The following ZRANB3 variants were observed in gnomAD, a reference collection of about 807,000 sequenced individuals.
ZRANB3 encodes the protein DNA annealing helicase and endonuclease ZRANB3.
A neutral mutation model predicts 133.8 loss-of-function variants in ZRANB3; 125 were observed. The observed-to-expected ratio is 0.93, with a 90% confidence interval of 0.81 to 1.08. The LOEUF (loss-of-function observed/expected upper bound fraction) is 1.08, where lower values mean the gene tolerates loss of function less well. ZRANB3 is among the 50% of genes least tolerant of loss of function. The pLI, the probability that ZRANB3 is intolerant of heterozygous loss-of-function variation, is 0.00. For missense variants in ZRANB3, 1,229 were observed against 1,275.5 expected, an observed-to-expected ratio of 0.96 and a Z score of 0.56; for synonymous variants, 387 against 432.7, an observed-to-expected ratio of 0.89 and a Z score of 1.31.
intron 2 of ZRANB3, among the ~76,000 whole-genome samples, chr2:135,426,267 C>T (rs1030923227): frequency 1.3e-5 from 2 of 152,038 alleles, no homozygotes; most frequent in African/African-American, 4.8e-5. Flanking sequence ...TAAAGAAGAG[C>T]TGGCACTATT....
chr2:135,459,150 G>A (rs1690656468), intron 2 of ZRANB3, among the ~76,000 whole-genome samples: 1 of 152,180 alleles, frequency 6.6e-6, no homozygotes, highest in Non-Finnish European at 1.5e-5. Flanking sequence ...CTCCCAGACT[G>A]TCACAGTTCA....
chr2:135,248,114 G>A (rs952946366), intron 12 of ZRANB3, among the ~76,000 whole-genome samples: 2 of 152,164 alleles, frequency 1.3e-5, no homozygotes, highest in African/African-American at 4.8e-5. Flanking sequence ...TCTAGGTACT[G>A]GAAAATCTGA....
At chr2:135,439,243 A>C (rs1689677526) in intron 2 of ZRANB3, among the ~76,000 whole-genome samples, 1 of 152,170 alleles carries the variant, frequency 6.6e-6, no homozygotes, top group African/African-American at 2.4e-5. Flanking sequence ...TGCACTAATA[A>C]ATGTCAACTG....
At chr2:135,320,411 C>T (rs1683466729) in intron 6 of ZRANB3, among the ~76,000 whole-genome samples, 2 of 152,098 alleles carry the variant, frequency 1.3e-5, no homozygotes, top group Non-Finnish European at 2.9e-5. Context: ...TACTTAATTC[C>T]TAACAAACTA....
intron 18 of ZRANB3, 21 bp from the exon 19 acceptor site, chr2:135,207,857 G>A: frequency 6.4e-7 from 1 of 1,574,616 alleles, no homozygotes; most frequent in South Asian, 1.1e-5. Context: ...TAAAAACACT[G>A]AATAGGTAAC....
rs183386222 is a variant in ZRANB3, at chr2:135,294,669, G to A, written c.966+18820C>T. 3.3e-3 allele frequency among the ~76,000 whole-genome samples: 500 copies of A among 152,154 alleles called. 2 individuals are homozygous for A. Among genetic ancestry groups the A allele is most frequent in the Admixed American group, 5.3e-3 (81 of 15,266 alleles). On this transcript the variant is annotated intron_variant, in intron 8 of 20. Coordinates refer to ENST00000264159, the MANE Select transcript of ZRANB3 (RefSeq NM_032143.4). Reference sequence around the variant, plus strand: ...GAATGTGTTTGCTCTTGCTTCTCTAGTTCTTTTAATTGTGATGTTAGGGTG... The same window carrying A: ...GAATGTGTTTGCTCTTGCTTCTCTAATTCTTTTAATTGTGATGTTAGGGTG...
At chr2:135,296,994 G>A (rs969104396) in intron 8 of ZRANB3, among the ~76,000 whole-genome samples, 4 of 152,202 alleles carry the variant, frequency 2.6e-5, no homozygotes, top group African/African-American at 9.6e-5. Flanking sequence ...CCTACTGGGG[G>A]CTGCCTCCCA....
At chr2:135,497,439 T>C (rs1470781924) in intron 2 of ZRANB3, among the ~76,000 whole-genome samples, 2 of 152,214 alleles carry the variant, frequency 1.3e-5, no homozygotes, top group Non-Finnish European at 2.9e-5. Context: ...CTATTCCATA[T>C]GGTAGGCACT....
intron 2 of ZRANB3, among the ~76,000 whole-genome samples, chr2:135,476,182 A>G (rs1691491502): frequency 6.6e-6 from 1 of 152,248 alleles, no homozygotes; most frequent in Non-Finnish European, 1.5e-5. Flanking sequence ...ATGGATCTTC[A>G]TATGAATAAA....
chr2:135,375,512 C>T (rs937415310), intron 3 of ZRANB3, among the ~76,000 whole-genome samples: 1 of 152,028 alleles, frequency 6.6e-6, no homozygotes, highest in African/African-American at 2.4e-5. Flanking sequence ...GGTGAAACCC[C>T]GTCTCTACTA....
At chr2:135,292,630 T>C (rs1681814380) in intron 8 of ZRANB3, among the ~76,000 whole-genome samples, 1 of 152,258 alleles carries the variant, frequency 6.6e-6, no homozygotes, top group South Asian at 2.1e-4. Context: ...TTGGCTTTTG[T>C]TGCCATTGCT....
At chr2:135,514,155 T>C (rs932902497) in intron 1 of ZRANB3, among the ~76,000 whole-genome samples, 3 of 152,198 alleles carry the variant, frequency 2.0e-5, no homozygotes, top group Admixed American at 2.0e-4. Flanking sequence ...AAATTTAAAG[T>C]AGTTTTTTCT....
At chr2:135,473,961 G>T (rs565189701) in intron 2 of ZRANB3, among the ~76,000 whole-genome samples, 1 of 152,304 alleles carries the variant, frequency 6.6e-6, no homozygotes, top group South Asian at 2.1e-4. Flanking sequence ...GAAGCAGGCA[G>T]ATCAATTGAT....
At chr2:135,386,042 A>C (rs1686955853) in intron 3 of ZRANB3, among the ~76,000 whole-genome samples, 1 of 152,206 alleles carries the variant, frequency 6.6e-6, no homozygotes, top group African/African-American at 2.4e-5. Flanking sequence ...AACTACCATC[A>C]GAGTGAACAG....
chr2:135,507,824 G>A (rs1693261617), intron 1 of ZRANB3, among the ~76,000 whole-genome samples: 2 of 152,074 alleles, frequency 1.3e-5, no homozygotes, highest in Admixed American at 1.3e-4. Flanking sequence ...TTGTGGGGGT[G>A]CATGCCTGTA....
intron 6 of ZRANB3, among the ~76,000 whole-genome samples, chr2:135,337,399 C>T (rs1684415481): frequency 6.6e-6 from 1 of 152,192 alleles, no homozygotes; most frequent in Non-Finnish European, 1.5e-5. Flanking sequence ...TCAACTTCCC[C>T]AGAGTGCTAT....
At chr2:135,282,186 T>A (rs1449023235) in intron 8 of ZRANB3, among the ~76,000 whole-genome samples, 2 of 152,226 alleles carry the variant, frequency 1.3e-5, no homozygotes, top group Non-Finnish European at 2.9e-5. Flanking sequence ...ATAGTTGATT[T>A]ACTTACTATC....
chr2:135,487,696 T>C (rs1290755192), intron 2 of ZRANB3, among the ~76,000 whole-genome samples: 2 of 152,230 alleles, frequency 1.3e-5, no homozygotes, highest in African/African-American at 4.8e-5. Context: ...TCTGCAGGTT[T>C]CTCACCTCTC....
At chr2:135,247,000 C>T (rs1344235646) in intron 12 of ZRANB3, among the ~76,000 whole-genome samples, 1 of 152,164 alleles carries the variant, frequency 6.6e-6, no homozygotes, top group South Asian at 2.1e-4. Context: ...AAATAAAGCA[C>T]TTCAAAGCTT....
Sources: allele counts gnomAD v4.1 joint callset (sites outside exome capture counted in the v4.1 genomes callset), GRCh38; gene constraint gnomAD v4.1.1; transcripts MANE v1.5; gene names NCBI Gene and HGNC (gene_info 2026-07-23, HGNC 2026-07-21).